The following ALG5 variants were observed in gnomAD, a reference collection of about 807,000 sequenced individuals.
ALG5 encodes the protein dolichyl-phosphate beta-glucosyltransferase.
In ALG5, 26 loss-of-function variants were observed where a neutral mutation model predicts 51.8. The ratio of observed to expected loss-of-function variants is 0.50; its 90% CI spans 0.37 to 0.70. The LOEUF (loss-of-function observed/expected upper bound fraction) is 0.70. Ranked by LOEUF, ALG5 falls within the 30% of genes least tolerant of loss-of-function variation. The pLI is 0.00. For synonymous variants in ALG5, 141 were observed against 136.1 expected, an observed-to-expected ratio of 1.04 and a Z score of -0.25; for missense variants, 311 against 399.3, an observed-to-expected ratio of 0.78 and a Z score of 1.88.
At chr13:36,987,227 A>AAG (rs2059005894) in intron 5 of ALG5, among the ~76,000 whole-genome samples, 1 of 152,122 alleles carries the variant, frequency 6.6e-6, no homozygotes, top group Non-Finnish European at 1.5e-5. Context: ...ACTCAACATA[A>AAG]CTGCCTCTTA....
At chr13:36,954,112 G>C (rs1316334658) in intron 8 of ALG5, among the ~76,000 whole-genome samples, 1 of 151,834 alleles carries the variant, frequency 6.6e-6, no homozygotes, top group Admixed American at 6.6e-5. Flanking sequence ...TTTTAAACAG[G>C]GTCTTACTCT....
chr13:36,974,723 A>C (rs1401024118), intron 6 of ALG5, among the ~76,000 whole-genome samples: 6 of 146,602 alleles, frequency 4.1e-5, no homozygotes, highest in Admixed American at 6.7e-5. Flanking sequence ...CCCCCCCACC[A>C]CCATCCCACC....
At chr13:36,967,674 CTCTAAGTAGATAGGGCAGAAACCTCA>C in intron 7 of ALG5, 1 of 473,862 alleles carries the variant, frequency 2.1e-6, no homozygotes, top group Non-Finnish European at 4.0e-6. Context: ...TGTCTTACCT[CTCTAAGTAGATAGGGCAGAAACCTCA>C]TCTTAAAATA....
At chr13:36,957,511 T>A (rs573807655) in intron 8 of ALG5, among the ~76,000 whole-genome samples, 2 of 152,126 alleles carry the variant, frequency 1.3e-5, no homozygotes, top group South Asian at 4.2e-4. Context: ...AGGCATACAA[T>A]ATCACTTACA....
At chr13:36,983,537 C>T (rs552189323) in intron 6 of ALG5, among the ~76,000 whole-genome samples, 1 of 149,148 alleles carries the variant, frequency 6.7e-6, no homozygotes, top group East Asian at 2.0e-4. Flanking sequence ...AGTTTGAGTC[C>T]AGCCTGGGCA....
intron 8 of ALG5, among the ~76,000 whole-genome samples, chr13:36,959,428 CAT>C: frequency 6.6e-6 from 1 of 152,278 alleles, no homozygotes; most frequent in Non-Finnish European, 1.5e-5. Context: ...ATTCATAAAT[CAT>C]AATATCACTT....
At chr13:36,954,737 GTTTTC>G (rs1355381151) in intron 8 of ALG5, among the ~76,000 whole-genome samples, 11 of 152,146 alleles carry the variant, frequency 7.2e-5, no homozygotes, top group African/African-American at 2.7e-4. Context: ...GAGCCACTGT[GTTTTC>G]TTTTCTTACT....
intron 8 of ALG5, among the ~76,000 whole-genome samples, chr13:36,953,445 TTC>T (rs1256757023): frequency 6.6e-6 from 1 of 152,194 alleles, no homozygotes; most frequent in African/African-American, 2.4e-5. Context: ...AACTAGTTGC[TTC>T]TCTCACTGGT....
At chr13:36,975,893 C>T (rs1367902849) in intron 6 of ALG5, among the ~76,000 whole-genome samples, 4 of 151,778 alleles carry the variant, frequency 2.6e-5, no homozygotes, top group Non-Finnish European at 4.4e-5. Context: ...TGGTAGCGTG[C>T]CCCTGTAGTC....
intron 8 of ALG5, among the ~76,000 whole-genome samples, chr13:36,957,968 T>C (rs1484572448): frequency 6.6e-6 from 1 of 152,086 alleles, no homozygotes; most frequent in Non-Finnish European, 1.5e-5. Flanking sequence ...GTGGCTGGTG[T>C]GGAGTCTTGG....
At chr13:36,992,726 G>A (rs377449281) in intron 4 of ALG5, among the ~76,000 whole-genome samples, 2 of 152,188 alleles carry the variant, frequency 1.3e-5, no homozygotes, top group African/African-American at 4.8e-5. Flanking sequence ...GGTCTGAAAC[G>A]CCTCAAGAAC....
At chr13:36,992,249 G>A (rs1387629033) in intron 4 of ALG5, among the ~76,000 whole-genome samples, 1 of 152,096 alleles carries the variant, frequency 6.6e-6, no homozygotes, top group East Asian at 1.9e-4. Context: ...CTCCTTCAAG[G>A]TAGAAAGTGG....
Position 36,962,119 on chromosome 13 carries a change from C to T in ALG5, c.773+3456G>A, listed in dbSNP as rs2058870109. ...AAAAGTCTTAATTTTAGGTATACTC[C>T]TTTACAGATTTCTAGTACCTAGAAA... On this transcript the variant is annotated intron_variant, in intron 8 of 9. Transcript: ENST00000239891. 3.3e-5 allele frequency among the ~76,000 whole-genome samples: 5 copies of T among 152,248 alleles called. No individual in the cohort carries two copies. In the South Asian group the frequency reaches 8.3e-4, roughly 25 times the overall value.
intron 9 of ALG5, among the ~76,000 whole-genome samples, chr13:36,951,716 T>C (rs919042992): frequency 6.6e-6 from 1 of 152,236 alleles, no homozygotes; most frequent in African/African-American, 2.4e-5. Context: ...CTTTATACTT[T>C]TGGATATATG....
intron 5 of ALG5, 53 bp from the exon 6 acceptor site, chr13:36,985,793 T>G: frequency 8.5e-7 from 1 of 1,176,562 alleles, no homozygotes; most frequent in South Asian, 1.3e-5. Context: ...CAGGTTAAAT[T>G]CAATGACACT....
chr13:36,993,232 A>G (rs1279041516), intron 4 of ALG5, among the ~76,000 whole-genome samples: 1 of 152,220 alleles, frequency 6.6e-6, no homozygotes, highest in Non-Finnish European at 1.5e-5. Context: ...CCTGCTTCCC[A>G]GGGGCTGGTA....
intron 7 of ALG5, 82 bp from the exon 8 acceptor site, chr13:36,965,808 T>C: frequency 8.5e-7 from 1 of 1,173,116 alleles, no homozygotes; most frequent in Non-Finnish European, 1.2e-6. Flanking sequence ...TAGACAACTG[T>C]ATTTTAATAT....
intron 4 of ALG5, 29 bp downstream of exon 4, chr13:36,993,572 CTAT>C: frequency 6.4e-7 from 1 of 1,572,824 alleles, no homozygotes; most frequent in South Asian, 1.1e-5. Context: ...TATTTTCTAA[CTAT>C]TGTCAATTCT....
At chr13:36,959,116 CA>C (rs1412652940) in intron 8 of ALG5, among the ~76,000 whole-genome samples, 1 of 152,076 alleles carries the variant, frequency 6.6e-6, no homozygotes, top group African/African-American at 2.4e-5. Flanking sequence ...TCCAGAAAGA[CA>C]AATGTTGCAT....
Sources: gnomAD v4.1 joint callset for allele counts (sites outside exome capture counted in the v4.1 genomes callset) on GRCh38, gnomAD v4.1.1 for gene constraint, MANE v1.5 for transcripts, NCBI Gene and HGNC (gene_info 2026-07-23, HGNC 2026-07-21) for gene names.